The following KCNJ12 variants were observed in gnomAD, a reference collection of about 807,000 sequenced individuals.
KCNJ12 encodes ATP-sensitive inward rectifier potassium channel 12.
Under a neutral mutation model 22.3 loss-of-function variants are expected in KCNJ12, and 2 were observed. That is an observed-to-expected ratio of 0.09 (90% CI 0.04 to 0.28). The LOEUF (loss-of-function observed/expected upper bound fraction) is 0.28, where lower values mean the gene tolerates loss of function less well. KCNJ12 is among the 10% of genes least tolerant of loss of function. The probability of loss-of-function intolerance (pLI) is 1.00; values close to 1 mark genes in which losing one functional copy is unlikely to be tolerated. For synonymous variants in KCNJ12, 117 were observed against 261.4 expected, an observed-to-expected ratio of 0.45 and a Z score of 5.33; for missense variants, 155 against 633.3, an observed-to-expected ratio of 0.24 and a Z score of 8.11.
chr17:21,401,806 G>A (rs1224860544), intron 1 of KCNJ12, among the ~76,000 whole-genome samples: 1 of 152,232 alleles, frequency 6.6e-6, no homozygotes, highest in Non-Finnish European at 1.5e-5. Context: ...CCTCAACGCA[G>A]TCAGACCCAG....
intron 1 of KCNJ12, among the ~76,000 whole-genome samples, chr17:21,378,757 TC>T (rs1904761831): frequency 6.6e-6 from 1 of 151,820 alleles, no homozygotes; most frequent in Non-Finnish European, 1.5e-5. Flanking sequence ...ACACCCCTCA[TC>T]CCCAGCACTG....
At chr17:21,409,377 A>G (rs1477794006) in intron 2 of KCNJ12, among the ~76,000 whole-genome samples, 6 of 152,308 alleles carry the variant, frequency 3.9e-5, no homozygotes, top group African/African-American at 1.4e-4. Context: ...TGCTGTGGAG[A>G]GGCTACTGGA....
At chr17:21,390,447 T>C (rs1905182529) in intron 1 of KCNJ12, among the ~76,000 whole-genome samples, 1 of 152,132 alleles carries the variant, frequency 6.6e-6, no homozygotes, top group Non-Finnish European at 1.5e-5. Context: ...GACTCGCTTC[T>C]GGAGAAGGGG....
chr17:21,395,398 C>A (rs1163904624), intron 1 of KCNJ12, among the ~76,000 whole-genome samples: 2 of 150,024 alleles, frequency 1.3e-5, no homozygotes, highest in African/African-American at 4.9e-5. Flanking sequence ...AGTTCGAGAG[C>A]AACCTGGCTG....
chr17:21,407,846 A>G (rs1906062414), intron 1 of KCNJ12, among the ~76,000 whole-genome samples: 1 of 147,814 alleles, frequency 6.8e-6, no homozygotes, highest in African/African-American at 2.5e-5. Flanking sequence ...CTTCCTCCAT[A>G]CAGCCATCCA....
intron 1 of KCNJ12, among the ~76,000 whole-genome samples, chr17:21,378,151 G>A (rs1327057007): frequency 1.3e-5 from 2 of 152,208 alleles, no homozygotes; most frequent in Admixed American, 6.5e-5. Flanking sequence ...GATGCCAAAG[G>A]AGAGCCGGTC....
In KCNJ12 at chr17:21,411,337, C is replaced by T. The variant is rs1574162; in HGVS notation, c.-57+2697C>T. 2.4e-4 allele frequency among the ~76,000 whole-genome samples: 36 copies of T among 152,344 alleles called. No individual in the cohort carries two copies. The South Asian group carries it at 2.7e-3, about 11-fold the overall frequency. Reference sequence around the variant, plus strand: ...AAGTGGACTGGTCGCTGGGAGGCTGCGTCTGTAGGCACTGTGGCCAGCAGG... The same window carrying T: ...AAGTGGACTGGTCGCTGGGAGGCTGTGTCTGTAGGCACTGTGGCCAGCAGG... On this transcript the variant is annotated intron_variant, in intron 2 of 2. Transcript: ENST00000583088.
intron 1 of KCNJ12, among the ~76,000 whole-genome samples, chr17:21,402,101 C>T (rs1905650019): frequency 6.6e-6 from 1 of 152,306 alleles, no homozygotes; most frequent in Admixed American, 6.5e-5. Flanking sequence ...TCTGTCTCGC[C>T]ATCCATCTGC....
intron 1 of KCNJ12, among the ~76,000 whole-genome samples, chr17:21,395,505 C>T (rs1225887608): frequency 5.8e-5 from 7 of 121,380 alleles, no homozygotes; most frequent in Admixed American, 3.3e-4. Flanking sequence ...TGCTTGCACC[C>T]GGGATGCGGA....
In KCNJ12 at chr17:21,419,154, G is replaced by A. The variant is rs1555563382; in HGVS notation, c.*2510G>A. The A allele has an allele frequency of 2.4e-5, 4 of 167,090 alleles. No individual in the cohort carries two copies. Among genetic ancestry groups the A allele is most frequent in the Non-Finnish European group, 4.4e-5 (3 of 68,172 alleles). The allele number at this position is 167,090 out of a possible 1,614,324, so 10.4% of individuals were successfully genotyped here. A position where few individuals can be genotyped will look rare whatever the true frequency, so the allele number is the denominator to read the frequency against. On this transcript the variant is annotated 3_prime_UTR_variant, in exon 3 of 3. Coordinates refer to ENST00000583088, the MANE Select transcript of KCNJ12 (RefSeq NM_021012.5). ...AGGGCGGATGGGATGAGCCAGGAGC[G>A]AGGAAGACTTGGCCCCTGGGGAGTG...
intron 2 of KCNJ12, among the ~76,000 whole-genome samples, chr17:21,411,583 C>A (rs1463986261): frequency 6.6e-6 from 1 of 152,308 alleles, no homozygotes; most frequent in Non-Finnish European, 1.5e-5. Flanking sequence ...TAGTAGTGAG[C>A]ACCTTGTCTT....
chr17:21,379,749 G>A (rs1015122853), intron 1 of KCNJ12, among the ~76,000 whole-genome samples: 4 of 151,630 alleles, frequency 2.6e-5, no homozygotes, highest in Non-Finnish European at 5.9e-5. Context: ...AAACTGGGCC[G>A]TGTGCAGGTT....
In KCNJ12 at chr17:21,418,310, AC is replaced by A. The variant is rs1331366176; in HGVS notation, c.*1670del. 3.5e-5 allele frequency: 5 copies of A among 141,540 alleles called. No homozygotes were observed. The highest frequency in any genetic ancestry group is 1.8e-4 in the African/African-American group (4 of 22,016). 8.8% of individuals were successfully genotyped at this position (141,540 alleles called of 1,614,324 possible). On this transcript the variant is annotated 3_prime_UTR_variant, in exon 3 of 3. Coordinates refer to ENST00000583088, the MANE Select transcript of KCNJ12 (RefSeq NM_021012.5). ...CCGAGACAGCTCAGAGCCAGAAGGC[AC>A]CCCGAGACAGCTCAGAGCCAGAAGG... is the stretch of plus-strand genomic sequence containing the variant.
chr17:21,406,577 G>A (rs1348276565), intron 1 of KCNJ12, among the ~76,000 whole-genome samples: 2 of 152,302 alleles, frequency 1.3e-5, no homozygotes, highest in African/African-American at 2.4e-5. Flanking sequence ...GGACTGAAGG[G>A]CCACTAGAGA....
intron 1 of KCNJ12, among the ~76,000 whole-genome samples, chr17:21,397,470 C>T (rs566081081): frequency 2.6e-5 from 4 of 152,304 alleles, no homozygotes; most frequent in South Asian, 4.1e-4. Flanking sequence ...AAATAGCACG[C>T]GATGTTTTCG....
chr17:21,401,735 G>C (rs1178743758), intron 1 of KCNJ12, among the ~76,000 whole-genome samples: 4 of 152,212 alleles, frequency 2.6e-5, no homozygotes, highest in Non-Finnish European at 5.9e-5. Context: ...GGGGCACAGG[G>C]ACAGAATCCT....
intron 1 of KCNJ12, among the ~76,000 whole-genome samples, chr17:21,393,568 G>C (rs1471580131): frequency 6.6e-6 from 1 of 152,202 alleles, no homozygotes; most frequent in Non-Finnish European, 1.5e-5. Flanking sequence ...CCCCGTGCGG[G>C]TTGAGCTGCC....
At position 21,394,435 on chromosome 17, in the gene KCNJ12, C is replaced by T. The variant is rs544307143; in HGVS notation, c.-178-14084C>T. Among the ~76,000 whole-genome samples, 8 of 152,314 alleles carry T rather than the reference C, an allele frequency of 5.3e-5. 1 individual carries two copies. Among genetic ancestry groups the T allele is most frequent in the African/African-American group, 1.9e-4 (8 of 41,570 alleles). ...TGTAAGTCTCTCTATGATGTTTGCT[C>T]AGTGATGAAACTGCCTGATGACACA... On this transcript the variant is annotated intron_variant, in intron 1 of 2. Coordinates refer to ENST00000583088, the MANE Select transcript of KCNJ12 (RefSeq NM_021012.5).
chr17:21,398,091 A>ATGTGTGTG (rs58836229), intron 1 of KCNJ12, among the ~76,000 whole-genome samples: 5 of 146,834 alleles, frequency 3.4e-5, no homozygotes, highest in Admixed American at 6.8e-5. Context: ...ACGTGTGTGT[A>ATGTGTGTG]TGTGTGTGTG....
Sources: gnomAD v4.1 joint callset for allele counts (sites outside exome capture counted in the v4.1 genomes callset) on GRCh38, gnomAD v4.1.1 for gene constraint, MANE v1.5 for transcripts, NCBI Gene and HGNC (gene_info 2026-07-23, HGNC 2026-07-21) for gene names.